TIAM2: variants seen among roughly 807,000 people sequenced by gnomAD.
TIAM2 encodes the protein TIAM Rac1 associated GEF 2.
Under a neutral mutation model 152.9 loss-of-function variants are expected in TIAM2, and 80 were observed. That is an observed-to-expected ratio of 0.52 (90% CI 0.44 to 0.63). TIAM2 has a LOEUF of 0.63. TIAM2 is among the 30% of genes least tolerant of loss of function. TIAM2 has a pLI of 0.00. For synonymous variants in TIAM2, 804 were observed against 838.0 expected, an observed-to-expected ratio of 0.96 and a Z score of 0.70; for missense variants, 1,965 against 2,120.1, an observed-to-expected ratio of 0.93 and a Z score of 1.44.
intron 9 of TIAM2, among the ~76,000 whole-genome samples, chr6:155,170,916 AAC>A (rs1295293238): frequency 3.9e-5 from 6 of 152,354 alleles, no homozygotes; most frequent in Admixed American, 6.5e-5. Context: ...GTACCCAGAT[AAC>A]TAGATTCAGA....
intron 1 of TIAM2, among the ~76,000 whole-genome samples, chr6:155,086,299 A>G (rs542592449): frequency 1.3e-5 from 2 of 152,328 alleles, no homozygotes; most frequent in African/African-American, 2.4e-5. Flanking sequence ...TGAGAGGTCT[A>G]CTTGATCTTT....
At chr6:155,248,285 G>A (rs1321838636) in intron 20 of TIAM2, 106 bp downstream of exon 20, 49 of 1,302,600 alleles carry the variant, frequency 3.8e-5, no homozygotes, top group East Asian at 3.0e-4. Flanking sequence ...CTAGTGGCAC[G>A]TCCTAAGTCA....
Position 155,240,710 on chromosome 6 carries a change from G to A in TIAM2, c.3348+1G>A, listed in dbSNP as rs1392792779. ...GGACACAGAGAAGTCCTACGTGAAG[G>A]TAAGGGAAGAGCTGGCATTTATGCA... On this transcript the variant is annotated splice_donor_variant, in intron 16 of 26. Coordinates refer to ENST00000682666, the MANE Select transcript of TIAM2 (RefSeq NM_012454.4). LOFTEE classifies it high-confidence loss of function. The A allele has an allele frequency of 6.2e-7, 1 of 1,608,698 alleles. No individual in the cohort carries two copies. Among genetic ancestry groups the A allele is most frequent in the Non-Finnish European group, 8.5e-7 (1 of 1,177,900 alleles).
chr6:155,061,171 A>G (rs1275894385), intron 1 of TIAM2, among the ~76,000 whole-genome samples: 2 of 152,212 alleles, frequency 1.3e-5, no homozygotes, highest in Non-Finnish European at 2.9e-5. Context: ...TTTTGTATGC[A>G]TACTAATCCA....
At chr6:155,185,848 T>A (rs1043340773) in intron 14 of TIAM2, among the ~76,000 whole-genome samples, 4 of 152,074 alleles carry the variant, frequency 2.6e-5, no homozygotes, top group Non-Finnish European at 5.9e-5. Context: ...GCTTTACCAT[T>A]CCTCCCCTCT....
At chr6:155,145,646 C>T (rs528761794) in intron 6 of TIAM2, among the ~76,000 whole-genome samples, 2 of 152,202 alleles carry the variant, frequency 1.3e-5, no homozygotes, top group South Asian at 2.1e-4. Flanking sequence ...CAGTGTTGGC[C>T]GTAGGTTACA....
chr6:155,045,802 C>G (rs540372839), intron 1 of TIAM2, among the ~76,000 whole-genome samples: 1 of 138,286 alleles, frequency 7.2e-6, no homozygotes, highest in Admixed American at 7.3e-5. Flanking sequence ...TCTTCTCCAA[C>G]TTTCTCACTC....
chr6:155,046,323 G>T (rs1777173131), intron 1 of TIAM2, among the ~76,000 whole-genome samples: 1 of 144,748 alleles, frequency 6.9e-6, no homozygotes, highest in Admixed American at 7.1e-5. Flanking sequence ...GGGCACTCTT[G>T]GCTCTGTCTT....
At chr6:155,062,039 A>G (rs1414855291) in intron 1 of TIAM2, among the ~76,000 whole-genome samples, 1 of 152,110 alleles carries the variant, frequency 6.6e-6, no homozygotes, top group African/African-American at 2.4e-5. Context: ...TAAAGTATGT[A>G]GCCTTTTTCT....
At chr6:155,190,127 A>G (rs559183896) in intron 14 of TIAM2, among the ~76,000 whole-genome samples, 1 of 152,250 alleles carries the variant, frequency 6.6e-6, no homozygotes, top group Non-Finnish European at 1.5e-5. Flanking sequence ...TGAATATTGT[A>G]TTACTACTTC....
intron 9 of TIAM2, among the ~76,000 whole-genome samples, chr6:155,175,581 C>T (rs1343498978): frequency 6.6e-6 from 1 of 152,158 alleles, no homozygotes; most frequent in Non-Finnish European, 1.5e-5. Flanking sequence ...TCCTCTTTTA[C>T]AAAACAGGAG....
At chr6:155,200,973 C>T (rs965166029) in intron 14 of TIAM2, among the ~76,000 whole-genome samples, 4 of 152,088 alleles carry the variant, frequency 2.6e-5, no homozygotes, top group Non-Finnish European at 5.9e-5. Flanking sequence ...ATCCTCCACG[C>T]TCCAACCCCC....
chr6:155,020,010 G>T (rs974036018), intron 1 of TIAM2, among the ~76,000 whole-genome samples: 58 of 152,082 alleles, frequency 3.8e-4, no homozygotes, highest in African/African-American at 1.3e-3. Context: ...CCGAGATTGC[G>T]CCACTGCACT....
At chr6:155,043,011 T>A (rs550071840) in intron 1 of TIAM2, among the ~76,000 whole-genome samples, 2 of 152,310 alleles carry the variant, frequency 1.3e-5, no homozygotes, top group South Asian at 4.1e-4. Context: ...GAGTGCCAGT[T>A]ACTGTTTTCA....
At chr6:155,222,091 C>A (rs1263346354) in intron 15 of TIAM2, among the ~76,000 whole-genome samples, 1 of 151,878 alleles carries the variant, frequency 6.6e-6, no homozygotes, top group Admixed American at 6.6e-5. Flanking sequence ...GTACCTGGGA[C>A]CACAGGTGCA....
chr6:155,164,288 C>CTAA, intron 7 of TIAM2, 127 bp from the exon 8 acceptor site: 1 of 817,848 alleles, frequency 1.2e-6, no homozygotes, highest in Non-Finnish European at 1.8e-6. Flanking sequence ...GCAGGAAAGG[C>CTAA]TAATTTAAAC....
chr6:155,091,419 G>A (rs4869845), intron 2 of TIAM2, among the ~76,000 whole-genome samples: 69,504 of 152,036 alleles, frequency 0.46, 16,771 homozygotes, highest in Admixed American at 0.63. Flanking sequence ...TTGTCTGAAT[G>A]TATGAGTTGA....
chr6:155,143,765 G>A (rs1440377652), intron 5 of TIAM2, among the ~76,000 whole-genome samples: 2 of 152,110 alleles, frequency 1.3e-5, no homozygotes, highest in East Asian at 1.9e-4. Context: ...CATCCCTGCT[G>A]CTCCACAGTG....
intron 2 of TIAM2, among the ~76,000 whole-genome samples, chr6:155,101,856 C>T (rs1778556513): frequency 6.6e-6 from 1 of 152,076 alleles, no homozygotes; most frequent in African/African-American, 2.4e-5. Context: ...TGGACACTGC[C>T]ACGCCTGGCT....
Sources: allele counts gnomAD v4.1 joint callset (sites outside exome capture counted in the v4.1 genomes callset), GRCh38; gene constraint gnomAD v4.1.1; transcripts MANE v1.5; gene names NCBI Gene and HGNC (gene_info 2026-07-23, HGNC 2026-07-21).